The following TMEM178B variants were observed in gnomAD, a reference collection of about 807,000 sequenced individuals.
TMEM178B encodes the protein transmembrane protein 178B.
A neutral mutation model predicts 31.0 loss-of-function variants in TMEM178B; 5 were observed. That is an observed-to-expected ratio of 0.16 (90% CI 0.08 to 0.34). The LOEUF is 0.34. Ranked by LOEUF, TMEM178B falls within the 10% of genes least tolerant of loss-of-function variation. TMEM178B has a pLI of 1.00. For missense variants in TMEM178B, 275 were observed against 400.3 expected (o/e 0.69, Z 2.67); for synonymous variants, 164 against 164.0 (o/e 1.00, Z 0.00).
chr7:141,463,249 G>T (rs1046314496), intron 3 of TMEM178B, among the ~76,000 whole-genome samples: 1 of 152,116 alleles, frequency 6.6e-6, no homozygotes, highest in African/African-American at 2.4e-5. Context: ...TGGAGGACTG[G>T]GTTGAGTAGG....
chr7:141,169,502 G>T (rs1796315406), intron 1 of TMEM178B, among the ~76,000 whole-genome samples: 1 of 152,190 alleles, frequency 6.6e-6, no homozygotes, highest in Non-Finnish European at 1.5e-5. Context: ...TATTCACAAT[G>T]AATGTACGTG....
At chr7:141,361,606 C>G (rs1799920157) in intron 2 of TMEM178B, among the ~76,000 whole-genome samples, 2 of 152,308 alleles carry the variant, frequency 1.3e-5, no homozygotes, top group African/African-American at 4.8e-5. Context: ...ACATGACATC[C>G]TGGCAATATT....
chr7:141,476,726 A>G lies in TMEM178B; in HGVS notation c.*5940A>G, dbSNP rs1462437567. The G allele has an allele frequency of 6.6e-6, 1 of 152,276 alleles. No individual in the cohort carries two copies. The highest frequency in any genetic ancestry group is 1.5e-5 in the Non-Finnish European group (1 of 68,064). The allele number at this position is 152,276 out of a possible 1,614,324, so 9.4% of individuals were successfully genotyped here. On this transcript the variant is annotated 3_prime_UTR_variant, in exon 4 of 4. Transcript: ENST00000565468. The stretch of plus-strand genomic sequence containing the variant: ...CAGAATCCTAGGTTCTAAACAAGAA[A>G]AGAACGCCCTTCCCAAAGGGTCCGC...
At chr7:141,123,671 C>T (rs544811383) in intron 1 of TMEM178B, among the ~76,000 whole-genome samples, 11 of 152,292 alleles carry the variant, frequency 7.2e-5, no homozygotes, top group African/African-American at 1.9e-4. Flanking sequence ...TGAACTAGAA[C>T]ATACTCTGAG....
chr7:141,138,558 A>C (rs1375412707), intron 1 of TMEM178B, among the ~76,000 whole-genome samples: 1 of 151,858 alleles, frequency 6.6e-6, no homozygotes, highest in Non-Finnish European at 1.5e-5. Context: ...GGGGAGTTTA[A>C]TCATCTCATG....
the TMEM178B span, among the ~76,000 whole-genome samples, chr7:141,501,925 T>A: frequency 8.7e-4 from 133 of 152,316 alleles, no homozygotes; most frequent in Non-Finnish European, 1.5e-3. Flanking sequence ...AGGCTCCAGA[T>A]GTAAACTCCT....
chr7:141,433,414 T>A (rs1428025581), intron 2 of TMEM178B, among the ~76,000 whole-genome samples: 1 of 152,150 alleles, frequency 6.6e-6, no homozygotes, highest in Non-Finnish European at 1.5e-5. Context: ...ACTCTTTAGG[T>A]CCAATTTTGA....
downstream of TMEM178B, among the ~76,000 whole-genome samples, chr7:141,480,938 G>A (rs1802464118): frequency 6.6e-6 from 1 of 152,258 alleles, no homozygotes; most frequent in Admixed American, 6.5e-5. Flanking sequence ...AGCATTTACA[G>A]TGAAAGAAAC....
At chr7:141,215,080 G>A (rs1014734129) in intron 2 of TMEM178B, among the ~76,000 whole-genome samples, 3 of 152,112 alleles carry the variant, frequency 2.0e-5, no homozygotes, top group Non-Finnish European at 4.4e-5. Flanking sequence ...TGGCAAGAGG[G>A]GAAGCATAGG....
intron 2 of TMEM178B, among the ~76,000 whole-genome samples, chr7:141,312,622 C>T (rs960837930): frequency 6.6e-6 from 1 of 152,174 alleles, no homozygotes; most frequent in Non-Finnish European, 1.5e-5. Context: ...GTATTCAACT[C>T]GCAAAGTCAA....
intron 1 of TMEM178B, among the ~76,000 whole-genome samples, chr7:141,084,567 C>T (rs1006783711): frequency 2.0e-5 from 3 of 152,070 alleles, no homozygotes; most frequent in African/African-American, 7.2e-5. Context: ...GCCGTCAGCG[C>T]ATGTTTTGCA....
intron 2 of TMEM178B, among the ~76,000 whole-genome samples, chr7:141,400,185 G>A (rs979631870): frequency 6.6e-6 from 1 of 152,128 alleles, no homozygotes; most frequent in Non-Finnish European, 1.5e-5. Context: ...TAAAGTTTTG[G>A]ACCAAGCTTA....
chr7:141,328,642 G>A (rs1386470109), intron 2 of TMEM178B, among the ~76,000 whole-genome samples: 4 of 152,140 alleles, frequency 2.6e-5, no homozygotes, highest in Non-Finnish European at 5.9e-5. Flanking sequence ...GCAACACTTG[G>A]CATGAAGCTT....
At chr7:141,438,049 T>C (rs1434443181) in intron 3 of TMEM178B, among the ~76,000 whole-genome samples, 1 of 152,088 alleles carries the variant, frequency 6.6e-6, no homozygotes, top group East Asian at 1.9e-4. Context: ...GATGGAGATA[T>C]CAGACCTGGA....
chr7:141,469,162 T>C (rs1215313993), intron 3 of TMEM178B, among the ~76,000 whole-genome samples: 2 of 152,250 alleles, frequency 1.3e-5, no homozygotes, highest in Non-Finnish European at 2.9e-5. Flanking sequence ...AGCTCAATTT[T>C]ACAGGCTGCT....
intron 1 of TMEM178B, among the ~76,000 whole-genome samples, chr7:141,113,006 C>G (rs1795259291): frequency 6.6e-6 from 1 of 152,202 alleles, no homozygotes; most frequent in South Asian, 2.1e-4. Flanking sequence ...TCAGCAAATA[C>G]TTTATCAGGC....
intron 2 of TMEM178B, among the ~76,000 whole-genome samples, chr7:141,232,346 A>G (rs1176468441): frequency 6.6e-6 from 1 of 152,088 alleles, no homozygotes; most frequent in Non-Finnish European, 1.5e-5. Context: ...TGTTGGGTCA[A>G]GTGGTATTTC....
intron 1 of TMEM178B, among the ~76,000 whole-genome samples, chr7:141,101,557 G>T (rs761370641): frequency 6.6e-6 from 1 of 152,220 alleles, no homozygotes; most frequent in Non-Finnish European, 1.5e-5. Flanking sequence ...TGCCATAATG[G>T]TAATAATCCT....
At chr7:141,433,825 C>G (rs929770454) in intron 2 of TMEM178B, among the ~76,000 whole-genome samples, 3 of 152,226 alleles carry the variant, frequency 2.0e-5, no homozygotes, top group African/African-American at 7.2e-5. Flanking sequence ...AAGTAACCAG[C>G]TGTTCATGCA....
Sources: allele counts gnomAD v4.1 joint callset (sites outside exome capture counted in the v4.1 genomes callset), GRCh38; gene constraint gnomAD v4.1.1; transcripts MANE v1.5; gene names NCBI Gene and HGNC (gene_info 2026-07-23, HGNC 2026-07-21).